The following DPF3 variants were observed in gnomAD, a reference collection of about 807,000 sequenced individuals.
DPF3 encodes the protein double PHD fingers 3.
Under a neutral mutation model 56.8 loss-of-function variants are expected in DPF3, and 18 were observed. The ratio of observed to expected loss-of-function variants is 0.32; its 90% confidence interval spans 0.22 to 0.47. The LOEUF (loss-of-function observed/expected upper bound fraction) is 0.47. Among genes scored for constraint, DPF3 ranks in the 20% least tolerant of loss-of-function variants. The probability of loss-of-function intolerance (pLI) is 1.00; values close to 1 mark genes in which losing one functional copy is unlikely to be tolerated. For missense variants in DPF3, 403 were observed against 488.8 expected (o/e 0.82, Z 1.65); for synonymous variants, 188 against 180.2 (o/e 1.04, Z -0.35).
At chr14:72,633,057 C>T (rs1885262290) in intron 8 of DPF3, among the ~76,000 whole-genome samples, 1 of 152,152 alleles carries the variant, frequency 6.6e-6, no homozygotes, top group South Asian at 2.1e-4. Flanking sequence ...AAATACTTGA[C>T]AGGACTTGAC....
intron 1 of DPF3, among the ~76,000 whole-genome samples, chr14:72,847,804 C>G (rs1236548538): frequency 6.6e-6 from 1 of 152,124 alleles, no homozygotes; most frequent in Admixed American, 6.6e-5. Context: ...GAGCCACCGC[C>G]CAGCCTCATT....
At chr14:72,893,894 A>T (rs950935623) in intron 1 of DPF3, among the ~76,000 whole-genome samples, 163 bp downstream of exon 1, 2 of 152,156 alleles carry the variant, frequency 1.3e-5, no homozygotes, top group Non-Finnish European at 2.9e-5. Flanking sequence ...GCGTTGGGGG[A>T]AAAAAAGAAG....
At chr14:72,662,483 T>C in intron 8 of DPF3, 2 of 984,702 alleles carry the variant, frequency 2.0e-6, no homozygotes, top group Non-Finnish European at 2.4e-6. Context: ...CATCAGTTTG[T>C]TTGTGTTCAG....
intron 4 of DPF3, among the ~76,000 whole-genome samples, chr14:72,727,902 C>T (rs1378337126): frequency 3.3e-5 from 5 of 152,196 alleles, no homozygotes; most frequent in Admixed American, 1.3e-4. Flanking sequence ...ACTCATTTGA[C>T]TTATGGTCCT....
chr14:72,756,681 G>A (rs1046315418), intron 2 of DPF3, among the ~76,000 whole-genome samples: 34 of 151,886 alleles, frequency 2.2e-4, no homozygotes, highest in Admixed American at 1.2e-3. Context: ...GTATGGTGGC[G>A]CATGCCTGTA....
At chr14:72,830,276 G>A (rs142290615) in intron 1 of DPF3, among the ~76,000 whole-genome samples, 5 of 152,356 alleles carry the variant, frequency 3.3e-5, no homozygotes, top group African/African-American at 9.6e-5. Context: ...TGGAGGGGAA[G>A]GAGAAGGGGG....
At chr14:72,702,620 C>T (rs913566401) in intron 6 of DPF3, among the ~76,000 whole-genome samples, 38 of 152,214 alleles carry the variant, frequency 2.5e-4, no homozygotes, top group African/African-American at 8.7e-4. Flanking sequence ...GACCCTCCAT[C>T]TTCTCTCTGC....
intron 8 of DPF3, chr14:72,671,146 C>A (rs1158123296): frequency 1.9e-6 from 3 of 1,613,756 alleles, no homozygotes; most frequent in Non-Finnish European, 1.7e-6. Context: ...TTAGCAACTG[C>A]CCTTTTTATC....
intron 1 of DPF3, among the ~76,000 whole-genome samples, chr14:72,786,687 A>G (rs1459803117): frequency 6.6e-6 from 1 of 152,246 alleles, no homozygotes; most frequent in African/African-American, 2.4e-5. Context: ...TAGGAAACCT[A>G]AGAGTCACAC....
At chr14:72,881,678 T>C (rs913703578) in intron 1 of DPF3, among the ~76,000 whole-genome samples, 2 of 151,988 alleles carry the variant, frequency 1.3e-5, no homozygotes, top group Non-Finnish European at 2.9e-5. Flanking sequence ...CCCTGAAGAT[T>C]GGGAAAAATG....
intron 1 of DPF3, among the ~76,000 whole-genome samples, chr14:72,859,108 A>G (rs988476639): frequency 5.3e-5 from 8 of 152,182 alleles, no homozygotes; most frequent in Non-Finnish European, 1.0e-4. Flanking sequence ...GCAGATACAT[A>G]CTGAAATAAT....
intron 6 of DPF3, among the ~76,000 whole-genome samples, chr14:72,701,734 CGA>C (rs2153574135): frequency 6.6e-6 from 1 of 152,300 alleles, no homozygotes; most frequent in African/African-American, 2.4e-5. Flanking sequence ...CAGTGGTTTC[CGA>C]GAGACTGAAA....
At chr14:72,737,342 G>GC (rs1187635458) in intron 3 of DPF3, among the ~76,000 whole-genome samples, 1 of 152,062 alleles carries the variant, frequency 6.6e-6, no homozygotes, top group East Asian at 1.9e-4. Flanking sequence ...GGTGCCCCAA[G>GC]CCTGCCACCC....
intron 1 of DPF3, among the ~76,000 whole-genome samples, chr14:72,830,604 A>G (rs190664681): frequency 3.6e-4 from 55 of 152,308 alleles, no homozygotes; most frequent in African/African-American, 1.3e-3. Context: ...GATTCAATGG[A>G]ATAGATGTGA....
Position 72,885,754 on chromosome 14 carries a change from A to G in DPF3, c.32+8303T>C, listed in dbSNP as rs534605762. ...GACCTAGGCATAGTGAAAACCCAAA[A>G]GAAATGAAAATGGGGACTCAAAAAC... On this transcript the variant is annotated intron_variant, in intron 1 of 10. Transcript: ENST00000556509. Among the ~76,000 whole-genome samples, 62 of 152,302 alleles carry G rather than the reference A, an allele frequency of 4.1e-4. 1 individual carries two copies. Among genetic ancestry groups the G allele is most frequent in the African/African-American group, 1.5e-3 (61 of 41,562 alleles).
rs113743586 is a variant in DPF3 at position 72,668,881 on chromosome 14, A to C, written c.871+5359T>G. ...TCAAAGGTACAGAGTAAAGAGGTGG[A>C]AAATGACAGCAAGTGTACATTGTAT... On this transcript the variant is annotated intron_variant, in intron 8 of 10. Transcript: ENST00000556509. 1.7e-3 allele frequency among the ~76,000 whole-genome samples: 252 copies of C among 152,344 alleles called. 2 individuals are homozygous for C. Among genetic ancestry groups the C allele is most frequent in the African/African-American group, 5.8e-3 (241 of 41,588 alleles).
intron 2 of DPF3, among the ~76,000 whole-genome samples, chr14:72,757,106 G>A (rs1331954283): frequency 1.5e-5 from 2 of 134,716 alleles, no homozygotes; most frequent in Non-Finnish European, 3.2e-5. Flanking sequence ...AGGGAGAGAG[G>A]GAGGGAGGGA....
At chr14:72,709,028 A>G (rs1388034635) in intron 6 of DPF3, among the ~76,000 whole-genome samples, 2 of 152,242 alleles carry the variant, frequency 1.3e-5, no homozygotes, top group Non-Finnish European at 2.9e-5. Context: ...TGCTCCTCCC[A>G]TCAGCCTGAT....
chr14:72,879,278 G>T (rs1415605242), intron 1 of DPF3, among the ~76,000 whole-genome samples: 1 of 152,024 alleles, frequency 6.6e-6, no homozygotes, highest in Non-Finnish European at 1.5e-5. Context: ...AGCTACTCAG[G>T]AGGCCGAGAT....
Sources: gnomAD v4.1 joint callset for allele counts (sites outside exome capture counted in the v4.1 genomes callset) on GRCh38, gnomAD v4.1.1 for gene constraint, MANE v1.5 for transcripts, NCBI Gene and HGNC (gene_info 2026-07-23, HGNC 2026-07-21) for gene names.